The following TBATA variants were observed in gnomAD, a reference collection of about 807,000 sequenced individuals.
TBATA encodes thymus, brain and testes associated.
Under a neutral mutation model 38.7 loss-of-function variants are expected in TBATA, and 47 were observed. The observed-to-expected ratio is 1.21, with a 90% CI of 0.96 to 1.55. TBATA has a LOEUF of 1.55. Ranked by LOEUF, TBATA falls within the 40% of genes most tolerant of loss-of-function variation. The pLI, the probability that TBATA is intolerant of heterozygous loss-of-function variation, is 0.00. For synonymous variants in TBATA, 183 were observed against 170.5 expected (o/e 1.07, Z -0.57); for missense variants, 436 against 435.6 (o/e 1.00, Z -0.01).
At chr10:70,778,793 T>A (rs1206092157) in intron 5 of TBATA, 157 bp from the exon 6 acceptor site, 1 of 723,548 alleles carries the variant, frequency 1.4e-6, no homozygotes, top group South Asian at 1.5e-5. Context: ...GGGAGAAGGA[T>A]CTGGATTCAC....
chr10:70,781,357 G>C (rs959672576), intron 4 of TBATA, among the ~76,000 whole-genome samples: 1 of 152,174 alleles, frequency 6.6e-6, no homozygotes, highest in Non-Finnish European at 1.5e-5. Context: ...CTCCCCACTG[G>C]AGGTCAGCTC....
intron 9 of TBATA, among the ~76,000 whole-genome samples, chr10:70,773,601 C>G (rs146954503): frequency 6.6e-6 from 1 of 152,174 alleles, no homozygotes; most frequent in Non-Finnish European, 1.5e-5. Flanking sequence ...GCCCTTCTGC[C>G]GACCAGTCAG....
chr10:70,772,192 C>T, intron 10 of TBATA: 1 of 545,286 alleles, frequency 1.8e-6, no homozygotes, highest in South Asian at 1.5e-5. Flanking sequence ...ACCACAGAGC[C>T]TTGTTATTCT....
At chr10:70,776,553 G>C (rs1397911642) in intron 7 of TBATA, among the ~76,000 whole-genome samples, 1 of 152,234 alleles carries the variant, frequency 6.6e-6, no homozygotes, top group Non-Finnish European at 1.5e-5. Flanking sequence ...TTCAGAGGGA[G>C]TGTGTGCCTG....
At chr10:70,782,599 G>A (rs1844387132) in intron 3 of TBATA, 1 of 985,476 alleles carries the variant, frequency 1.0e-6, no homozygotes, top group Non-Finnish European at 1.2e-6. Context: ...CCTCCTAGGA[G>A]AGGAAGAGCT....
intron 8 of TBATA, among the ~76,000 whole-genome samples, chr10:70,774,921 G>A (rs917415956): frequency 6.6e-6 from 1 of 152,142 alleles, no homozygotes; most frequent in Non-Finnish European, 1.5e-5. Flanking sequence ...TTTCCTCCCA[G>A]GTGCCTAGGC....
At chr10:70,781,251 G>A (rs1332859414) in intron 4 of TBATA, among the ~76,000 whole-genome samples, 1 of 152,164 alleles carries the variant, frequency 6.6e-6, no homozygotes, top group Non-Finnish European at 1.5e-5. Flanking sequence ...TTGCTCAAAT[G>A]TCATGTTAAT....
At chr10:70,780,438 A>G (rs116245051) in intron 4 of TBATA, among the ~76,000 whole-genome samples, 61 of 151,674 alleles carry the variant, frequency 4.0e-4, no homozygotes, top group African/African-American at 1.4e-3. Context: ...ACCTCTCCTC[A>G]TCTCCTCTGC....
chr10:70,774,220 G>A lies in TBATA; in HGVS notation c.913C>T (p.Pro305Ser). Residue 305 changes from proline (P) to serine (S), a missense_variant, in exon 9 of 11, where the codon CCC becomes TCC. Coordinates refer to ENST00000456372, the MANE Select transcript of TBATA (RefSeq NM_001318241.2). ...GCGGGGTGCGGGGCCCACCTGCAGG[G>A]TGGCTCTTGCTTCTCTTGAGGAGGT... ...HEPPQEKQEPPCSQSPKKTKI... is the reference protein window; with the variant it reads ...HEPPQEKQEPSCSQSPKKTKI... 6.2e-7 allele frequency: 1 copy of A among 1,612,170 alleles called. No individual in the cohort carries two copies. The highest frequency in any genetic ancestry group is 8.5e-7 in the Non-Finnish European group (1 of 1,179,622).
intron 9 of TBATA, among the ~76,000 whole-genome samples, chr10:70,773,465 G>GCTC (rs1554826503): frequency 3.3e-5 from 5 of 150,208 alleles, no homozygotes; most frequent in African/African-American, 1.2e-4. Context: ...AAAAATACAG[G>GCTC]CCCCCCCGGC....
At chr10:70,776,076 G>T (rs544909245) in intron 7 of TBATA, among the ~76,000 whole-genome samples, 1 of 152,306 alleles carries the variant, frequency 6.6e-6, no homozygotes, top group African/African-American at 2.4e-5. Flanking sequence ...GAGGTGAAAG[G>T]TGGAAGCCCT....
At chr10:70,771,652 C>T (rs1842803502) in intron 10 of TBATA, among the ~76,000 whole-genome samples, 191 bp from the exon 11 acceptor site, 1 of 152,248 alleles carries the variant, frequency 6.6e-6, no homozygotes, top group Non-Finnish European at 1.5e-5. Context: ...AACCTCTCTT[C>T]TTTCAACATC....
rs1480068774 is a variant in TBATA at position 70,777,227 on chromosome 10, G to A, written c.619C>T (p.Gln207Ter). The change falls in exon 7 of 11, where the codon CAG becomes TAG. Residue 207 changes from glutamine to a stop codon, truncating the protein, a stop_gained. Coordinates refer to ENST00000456372, the MANE Select transcript of TBATA (RefSeq NM_001318241.2). LOFTEE classifies it high-confidence loss of function. ...CTGGAAGACTGACTCTGCTGGCCCT[G>A]GTGAGATCTGCGGCGGCCGACAGCC... The part of the protein sequence containing the change: ...TRAVGRRRSH[Q>*]GQQSQSSSRH... The A allele has an allele frequency of 1.2e-5, 19 of 1,613,584 alleles. No homozygotes were observed. The highest frequency in any genetic ancestry group is 1.6e-5 in the Non-Finnish European group (19 of 1,179,922).
intron 6 of TBATA, chr10:70,777,719 G>T (rs1215510166): frequency 2.5e-6 from 1 of 397,128 alleles, no homozygotes; most frequent in Admixed American, 3.4e-5. Flanking sequence ...ACACCCATCA[G>T]AGATTTGAAA....
chr10:70,773,732 G>C (rs938081365), intron 9 of TBATA, among the ~76,000 whole-genome samples: 1 of 152,228 alleles, frequency 6.6e-6, no homozygotes, highest in African/African-American at 2.4e-5. Context: ...ACCCAGCGGT[G>C]TCAGGCAAAC....
chr10:70,780,243 A>ACCCTGTGCAGG (rs1844000013), intron 4 of TBATA, among the ~76,000 whole-genome samples: 13 of 150,460 alleles, frequency 8.6e-5, no homozygotes, highest in Admixed American at 2.7e-4. Flanking sequence ...CGTGCAGGGC[A>ACCCTGTGCAGG]GCCTGGAGGT....
intron 3 of TBATA, 200 bp from the exon 4 acceptor site, chr10:70,782,236 G>A (rs1844309873): frequency 9.3e-6 from 13 of 1,391,624 alleles, no homozygotes; most frequent in Non-Finnish European, 1.2e-5. Flanking sequence ...ATCCTGTCCT[G>A]GTTAGTCTTC....
rs199669673 is a variant in TBATA at position 70,781,927 on chromosome 10, G to C, written c.151C>G (p.Arg51Gly). The change falls in exon 4 of 11, where the codon CGG (arginine) becomes GGG (glycine). Residue 51 changes from arginine (R) to glycine (G), a missense_variant. By Grantham distance (125) the Arg-to-Gly change is moderately radical (BLOSUM62 -2). Coordinates refer to ENST00000456372, the MANE Select transcript of TBATA (RefSeq NM_001318241.2). Reference protein sequence around the residue: ...LVIPGIVDFERIRRALRTPKP... With the variant: ...LVIPGIVDFEGIRRALRTPKP... Reference sequence around the variant, plus strand: ...GGGGTCCTCAATGCCCGGCGGATCCGCTCGAAATCCACAATCCCTGGGATC... The same window carrying C: ...GGGGTCCTCAATGCCCGGCGGATCCCCTCGAAATCCACAATCCCTGGGATC... The C allele has an allele frequency of 1.9e-6, 3 of 1,614,190 alleles. No homozygotes were observed. Among genetic ancestry groups the C allele is most frequent in the Non-Finnish European group, 2.5e-6 (3 of 1,180,032 alleles).
At chr10:70,777,546 C>A (rs186258528) in intron 6 of TBATA, among the ~76,000 whole-genome samples, 1 of 152,258 alleles carries the variant, frequency 6.6e-6, no homozygotes, top group East Asian at 1.9e-4. Context: ...CTTGGGCATC[C>A]CCGGCCCTCT....
Sources: allele counts gnomAD v4.1 joint callset (sites outside exome capture counted in the v4.1 genomes callset), GRCh38; gene constraint gnomAD v4.1.1; transcripts MANE v1.5; gene names NCBI Gene and HGNC (gene_info 2026-07-23, HGNC 2026-07-21).